TAS2R1: variants seen among roughly 807,000 people sequenced by gnomAD.
The protein encoded by TAS2R1 is taste 2 receptor member 1, also known as taste receptor type 2 member 1.
For missense variants in TAS2R1, 370 were observed against 353.4 expected, an observed-to-expected ratio of 1.05 and a Z score of -0.38; for synonymous variants, 141 against 134.2, an observed-to-expected ratio of 1.05 and a Z score of -0.35.
At chr5:9,661,311 T>A (rs1740528052) in intron 1 of TAS2R1, among the ~76,000 whole-genome samples, 1 of 152,236 alleles carries the variant, frequency 6.6e-6, no homozygotes, top group African/African-American at 2.4e-5. Context: ...ACTAAAAGCA[T>A]CAGTAGATTT....
chr5:9,784,495 G>C, the TAS2R1 span, among the ~76,000 whole-genome samples: 1 of 152,344 alleles, frequency 6.6e-6, no homozygotes, highest in East Asian at 1.9e-4. Flanking sequence ...AAAAAGAACA[G>C]ACAGCCTGGG....
the TAS2R1 span, among the ~76,000 whole-genome samples, chr5:9,894,603 A>C: frequency 1.7e-4 from 26 of 152,300 alleles, no homozygotes; most frequent in Admixed American, 9.2e-4. Flanking sequence ...ATGAAAATAA[A>C]TTGCTGTTAT....
chr5:9,798,958 AG>A, the TAS2R1 span, among the ~76,000 whole-genome samples: 10 of 152,312 alleles, frequency 6.6e-5, no homozygotes, highest in African/African-American at 2.4e-4. Flanking sequence ...CCTCTCAGGC[AG>A]GCATATACAC....
At chr5:9,638,562 C>T (rs185272758) in intron 2 of TAS2R1, among the ~76,000 whole-genome samples, 37 of 152,202 alleles carry the variant, frequency 2.4e-4, no homozygotes, top group African/African-American at 5.5e-4. Flanking sequence ...GTCCTCCAGC[C>T]GGGAGATGGC....
At chr5:9,649,148 C>G (rs1011382323) in intron 2 of TAS2R1, among the ~76,000 whole-genome samples, 3 of 152,254 alleles carry the variant, frequency 2.0e-5, no homozygotes, top group African/African-American at 7.2e-5. Context: ...ATGATACACC[C>G]AGATCTTTGG....
chr5:9,635,594 ATT>A (rs541071696), intron 2 of TAS2R1, among the ~76,000 whole-genome samples: 1 of 141,948 alleles, frequency 7.0e-6, no homozygotes. Context: ...TTTTGTTGTG[ATT>A]TTTTTTTTTT....
intron 1 of TAS2R1, among the ~76,000 whole-genome samples, chr5:9,689,058 T>G (rs903275172): frequency 6.6e-6 from 1 of 152,168 alleles, no homozygotes; most frequent in Non-Finnish European, 1.5e-5. Context: ...AGAACTCACC[T>G]GCTTCAAGAA....
the TAS2R1 span, among the ~76,000 whole-genome samples, chr5:9,893,970 A>G: frequency 1.3e-5 from 2 of 152,204 alleles, no homozygotes; most frequent in African/African-American, 2.4e-5. Flanking sequence ...TGACCCTACG[A>G]AAGTTCATCT....
At chr5:9,630,661 C>G (rs897867280), upstream of TAS2R1, among the ~76,000 whole-genome samples, 1 of 152,100 alleles carries the variant, frequency 6.6e-6, no homozygotes, top group Non-Finnish European at 1.5e-5. Flanking sequence ...TACATGTGTA[C>G]ACCAGGTCAA....
the TAS2R1 span, among the ~76,000 whole-genome samples, chr5:9,840,791 T>G: frequency 9.2e-5 from 14 of 151,546 alleles, no homozygotes; most frequent in Middle Eastern, 3.4e-3. Flanking sequence ...AGTTTTTATC[T>G]AAAAATGTTA....
chr5:9,808,896 G>A, the TAS2R1 span, among the ~76,000 whole-genome samples: 3 of 152,130 alleles, frequency 2.0e-5, no homozygotes, highest in Admixed American at 1.3e-4. Context: ...TATCCTTGTG[G>A]GTGGGTCCCC....
intron 1 of TAS2R1, among the ~76,000 whole-genome samples, chr5:9,672,536 C>A (rs1740789638): frequency 6.6e-6 from 1 of 152,084 alleles, no homozygotes; most frequent in Non-Finnish European, 1.5e-5. Flanking sequence ...AAAAAATGCT[C>A]AATATCACTA....
the TAS2R1 span, among the ~76,000 whole-genome samples, chr5:9,727,236 A>T: frequency 1.3e-5 from 2 of 152,238 alleles, no homozygotes; most frequent in Admixed American, 6.5e-5. Flanking sequence ...ATGAGGTATT[A>T]TGTGATAGTC....
intron 1 of TAS2R1, among the ~76,000 whole-genome samples, chr5:9,675,419 C>CTTTTTTTTTTTT (rs35909213): frequency 7.4e-6 from 1 of 135,788 alleles, no homozygotes; most frequent in African/African-American, 2.7e-5. Flanking sequence ...TTTTCTTTTT[C>CTTTTTTTTTTTT]TTTTTTTTTT....
chr5:9,679,310 G>A (rs972803707), intron 1 of TAS2R1, among the ~76,000 whole-genome samples: 7 of 152,186 alleles, frequency 4.6e-5, no homozygotes, highest in East Asian at 1.9e-4. Flanking sequence ...TCTAAAGCCC[G>A]TAGAATTTTA....
At chr5:9,881,904 C>A in the TAS2R1 span, among the ~76,000 whole-genome samples, 1 of 152,240 alleles carries the variant, frequency 6.6e-6, no homozygotes, top group South Asian at 2.1e-4. Flanking sequence ...CTATAAAAAC[C>A]TTAGAAGAAA....
chr5:9,869,014 G>A, the TAS2R1 span, among the ~76,000 whole-genome samples: 2,078 of 152,228 alleles, frequency 0.014, 52 homozygotes, highest in African/African-American at 0.047. Flanking sequence ...AAGTCTCTAG[G>A]AAGTTCAAAA....
chr5:9,682,888 C>A (rs963081514), intron 1 of TAS2R1, among the ~76,000 whole-genome samples: 2 of 152,160 alleles, frequency 1.3e-5, no homozygotes, highest in African/African-American at 2.4e-5. Context: ...TGTTTTCCAA[C>A]AACTTCTTCC....
At chr5:9,662,415 G>C (rs1740554699) in intron 1 of TAS2R1, among the ~76,000 whole-genome samples, 2 of 152,302 alleles carry the variant, frequency 1.3e-5, no homozygotes, top group South Asian at 4.1e-4. Context: ...ATGCTGTGCT[G>C]GTTATCAGAA....
Sources: allele counts gnomAD v4.1 joint callset (sites outside exome capture counted in the v4.1 genomes callset), GRCh38; gene constraint gnomAD v4.1.1; transcripts MANE v1.5; gene names NCBI Gene and HGNC (gene_info 2026-07-23, HGNC 2026-07-21).